The following SYNE1 variants were observed in gnomAD, a reference collection of about 807,000 sequenced individuals.
SYNE1 encodes the protein nesprin-1.
A neutral mutation model predicts 1,111.0 loss-of-function variants in SYNE1; 616 were observed. The ratio of observed to expected loss-of-function variants is 0.55; its 90% confidence interval spans 0.52 to 0.59. The LOEUF is 0.59. Among genes scored for constraint, SYNE1 ranks in the 20% least tolerant of loss-of-function variants. The pLI is 0.00. For synonymous variants in SYNE1, 3,855 were observed against 3,825.8 expected (o/e 1.01, Z -0.28); for missense variants, 10,006 against 10,417.0 (o/e 0.96, Z 1.72).
At chr6:152,564,648 A>G (rs2099405895) in intron 3 of SYNE1, among the ~76,000 whole-genome samples, 1 of 151,988 alleles carries the variant, frequency 6.6e-6, no homozygotes, top group Non-Finnish European at 1.5e-5. Flanking sequence ...AAATTTGTTA[A>G]CCCCCAAAAG....
rs181304168 is a variant in SYNE1 at position 152,318,070 on chromosome 6, G to A, written c.16572+11C>T. 6.9e-5 allele frequency: 111 copies of A among 1,614,124 alleles called. No homozygotes were observed. Among genetic ancestry groups the A allele is most frequent in the South Asian group, 1.3e-4 (12 of 91,074 alleles). ...CTTACACGATTTGGATTTCTGGCCC[G>A]GAACACATACCTGATTGAGCTTGGA... On this transcript the variant is annotated intron_variant, in intron 86 of 145. Coordinates refer to ENST00000367255, the MANE Select transcript of SYNE1 (RefSeq NM_182961.4).
At chr6:152,528,638 A>T (rs868241536) in intron 4 of SYNE1, among the ~76,000 whole-genome samples, 2 of 152,166 alleles carry the variant, frequency 1.3e-5, no homozygotes, top group Non-Finnish European at 2.9e-5. Flanking sequence ...AGATGCAGAT[A>T]ATTTATTGGA....
rs2128237851 is a variant in SYNE1, at chr6:152,563,122, A to G, written c.68-23101T>C. On this transcript the variant is annotated intron_variant, in intron 3 of 145. Transcript: ENST00000367255. The stretch of plus-strand genomic sequence containing the variant: ...AACACACATAGAGACAACAATAACA[A>G]AATAGTACCTTTTATCATACCCGGA... Among the ~76,000 whole-genome samples, 4 of 152,108 alleles carry G rather than the reference A, an allele frequency of 2.6e-5. No individual in the cohort carries two copies. In the South Asian group the frequency reaches 8.3e-4, roughly 32 times the overall value.
rs1262181896 is a variant in SYNE1 at position 152,455,443 on chromosome 6, G to A, written c.2875C>T (p.Leu959Phe). ...GGACTCACAGTGTGTCTCCGCAGGA[G>A]CTCCTCTGGATCCCCCTTTTCCTCC... ...GLEEKGDPEELLRRHTEFFSQ... is the reference protein window; with the variant it reads ...GLEEKGDPEEFLRRHTEFFSQ... The change falls in exon 24 of 146, where the codon CTC (leucine) becomes TTC (phenylalanine). Residue 959 changes from leucine to phenylalanine, a missense_variant. Physicochemically the swap from Leu to Phe is conservative, Grantham distance 22 (BLOSUM62 0). This residue lies in a region of SYNE1 where 1,971 missense variants were observed against 2,084.1 expected (regional missense o/e 0.95). Coordinates refer to ENST00000367255, the MANE Select transcript of SYNE1 (RefSeq NM_182961.4). 1 of 1,614,038 alleles carries A rather than the reference G, an allele frequency of 6.2e-7. No individual in the cohort carries two copies. Among genetic ancestry groups the A allele is most frequent in the Non-Finnish European group, 8.5e-7 (1 of 1,179,952 alleles).
intron 128 of SYNE1, among the ~76,000 whole-genome samples, chr6:152,181,333 G>A (rs1252425909): frequency 6.6e-6 from 1 of 152,084 alleles, no homozygotes; most frequent in Non-Finnish European, 1.5e-5. Context: ...AGTCGCTTGG[G>A]CCCAGGAGGC....
chr6:152,456,571 G>T (rs2098697735), intron 22 of SYNE1: 2 of 254,136 alleles, frequency 7.9e-6, no homozygotes, highest in Non-Finnish European at 1.6e-5. Flanking sequence ...GAAATGGTAG[G>T]GTTCAGATCC....
Position 152,326,369 on chromosome 6 carries a change from T to C in SYNE1, c.15220A>G (p.Lys5074Glu), listed in dbSNP as rs1310828499. The change falls in exon 79 of 146, where the codon AAA (lysine) becomes GAA (glutamate). Residue 5074 changes from lysine (K) to glutamate (E), a missense_variant. Lys to Glu is a moderately conservative substitution (Grantham distance 56). Around this residue, in one of 7 missense-constraint regions of SYNE1, gnomAD observed 4,955 missense variants for 5,017.2 expected, o/e 0.99. Coordinates refer to ENST00000367255, the MANE Select transcript of SYNE1 (RefSeq NM_182961.4). ...KPTGKEDLEQ[K>E]VASLELRSQR... ...CTCCTGAGTTCCAGAGAAGCCACTT[T>C]CTGTTCTAGGTCTTCTTTGCCGGTT... 2.5e-6 allele frequency: 4 copies of C among 1,614,156 alleles called. No homozygotes were observed. The Admixed American group carries it at 5.0e-5, about 20-fold the overall frequency.
chr6:152,374,669 G>A (rs550339052), intron 58 of SYNE1, among the ~76,000 whole-genome samples: 3 of 152,256 alleles, frequency 2.0e-5, no homozygotes, highest in Non-Finnish European at 4.4e-5. Flanking sequence ...AGATACTCAG[G>A]AGGCTGAGGC....
chr6:152,551,420 ATTAT>A (rs2099346181), intron 3 of SYNE1, among the ~76,000 whole-genome samples: 1 of 152,180 alleles, frequency 6.6e-6, no homozygotes, highest in Non-Finnish European at 1.5e-5. Flanking sequence ...CAATTTGCTG[ATTAT>A]TTGATTCACT....
chr6:152,583,639 C>A (rs547468545), intron 3 of SYNE1, among the ~76,000 whole-genome samples: 59 of 152,220 alleles, frequency 3.9e-4, no homozygotes, highest in Admixed American at 2.0e-3. Flanking sequence ...TTTCTCCTAC[C>A]TCAAATCCCC....
intron 3 of SYNE1, among the ~76,000 whole-genome samples, chr6:152,554,397 CA>C (rs533463247): frequency 2.6e-5 from 4 of 151,538 alleles, no homozygotes; most frequent in Non-Finnish European, 1.5e-5. Context: ...TCAAAATGAA[CA>C]AAGTGTTCAA....
chr6:152,489,457 C>CTTTTTTTTTT (rs3076635), intron 11 of SYNE1, among the ~76,000 whole-genome samples: 3 of 112,316 alleles, frequency 2.7e-5, no homozygotes, highest in African/African-American at 3.3e-5. Context: ...CTTGGTGTGT[C>CTTTTTTTTTT]TTTTTTTTTT....
Position 152,520,468 on chromosome 6 carries a change from T to G in SYNE1, c.300A>C (p.Glu100Asp), listed in dbSNP as rs2099133389. Reference protein sequence around the residue: ...ANIGTALKFLEGRKIKLVNIN... With the variant: ...ANIGTALKFLDGRKIKLVNIN... ...TTTGTTTCTCTCTTACCTTTCTTCCTTCGAGGAACTTGAGTGCCGTGCCAA... is the reference window on the plus strand; with the variant it reads ...TTTGTTTCTCTCTTACCTTTCTTCCGTCGAGGAACTTGAGTGCCGTGCCAA... Residue 100 changes from glutamate (E) to aspartate (D), a missense_variant, in exon 6 of 146, where the codon GAA becomes GAC. Around this residue, in one of 7 missense-constraint regions of SYNE1, gnomAD observed 1,971 missense variants for 2,084.1 expected, o/e 0.95. Coordinates refer to ENST00000367255, the MANE Select transcript of SYNE1 (RefSeq NM_182961.4). 6.2e-7 allele frequency: 1 copy of G among 1,613,624 alleles called. No homozygotes were observed. Among genetic ancestry groups the G allele is most frequent in the African/African-American group, 1.3e-5 (1 of 75,024 alleles).
At chr6:152,392,231 A>G (rs997982018) in intron 51 of SYNE1, among the ~76,000 whole-genome samples, 17 of 152,168 alleles carry the variant, frequency 1.1e-4, no homozygotes, top group African/African-American at 4.1e-4. Flanking sequence ...TGTTCCCAAG[A>G]CCCAACACAA....
At chr6:152,395,452 C>G in intron 51 of SYNE1, 64 bp downstream of exon 51, 1 of 1,558,528 alleles carries the variant, frequency 6.4e-7, no homozygotes, top group South Asian at 1.2e-5. Flanking sequence ...CCAAACCAAC[C>G]AACCAACCAA....
intron 87 of SYNE1, chr6:152,311,111 G>C (rs150550412): frequency 3.7e-6 from 2 of 545,920 alleles, no homozygotes; most frequent in African/African-American, 3.8e-5. Context: ...GTCATACTAC[G>C]TGTGGGACCA....
At chr6:152,393,994 A>G (rs537675) in intron 51 of SYNE1, among the ~76,000 whole-genome samples, 31,473 of 152,030 alleles carry the variant, frequency 0.21, 3,536 homozygotes, top group East Asian at 0.4. Flanking sequence ...ATCCCCTGAC[A>G]GGTCCCGTTG....
chr6:152,430,810 A>G, intron 34 of SYNE1, 101 bp from the exon 35 acceptor site: 1 of 1,154,730 alleles, frequency 8.7e-7, no homozygotes, highest in Admixed American at 1.8e-5. Flanking sequence ...CTTAACTGAT[A>G]TTTGAAGACT....
intron 131 of SYNE1, among the ~76,000 whole-genome samples, chr6:152,158,467 G>A (rs940642362): frequency 6.6e-6 from 1 of 151,936 alleles, no homozygotes; most frequent in South Asian, 2.1e-4. Context: ...ACTAGCTATT[G>A]TCAAATGTCA....
Sources: gnomAD v4.1 joint callset for allele counts (sites outside exome capture counted in the v4.1 genomes callset) on GRCh38, gnomAD v4.1.1 for gene constraint, gnomAD v4.1.1 regional missense constraint, MANE v1.5 for transcripts, NCBI Gene and HGNC (gene_info 2026-07-23, HGNC 2026-07-21) for gene names.